SBF2: variants seen among roughly 807,000 people sequenced by gnomAD.
SBF2 encodes myotubularin-related protein 13.
Under a neutral mutation model 225.2 loss-of-function variants are expected in SBF2, and 112 were observed. The ratio of observed to expected loss-of-function variants is 0.50; its 90% confidence interval spans 0.43 to 0.58. SBF2 has a LOEUF of 0.58. Among genes scored for constraint, SBF2 ranks in the 20% least tolerant of loss-of-function variants. The pLI is 0.00. For missense variants in SBF2, 1,996 were observed against 2,206.2 expected (o/e 0.90, Z 1.91); for synonymous variants, 763 against 773.3 (o/e 0.99, Z 0.22).
intron 2 of SBF2, among the ~76,000 whole-genome samples, chr11:10,101,788 G>A (rs530714302): frequency 6.6e-6 from 1 of 152,150 alleles, no homozygotes; most frequent in East Asian, 1.9e-4. Flanking sequence ...CAAATCTGGT[G>A]CGCTTTGTGC....
At chr11:10,161,357 G>T (rs1161125428) in intron 2 of SBF2, among the ~76,000 whole-genome samples, 2 of 151,960 alleles carry the variant, frequency 1.3e-5, no homozygotes, top group African/African-American at 4.8e-5. Flanking sequence ...CAGTTATACT[G>T]CCTCTTCTTT....
intron 13 of SBF2, among the ~76,000 whole-genome samples, chr11:9,973,866 C>T (rs1370279550): frequency 6.6e-6 from 1 of 152,198 alleles, no homozygotes; most frequent in African/African-American, 2.4e-5. Context: ...GGTCTCAGCA[C>T]TGAAAGACAA....
intron 30 of SBF2, chr11:9,810,299 C>T (rs1333066194): frequency 6.6e-6 from 1 of 151,984 alleles, no homozygotes; most frequent in Admixed American, 6.6e-5. Flanking sequence ...AAAAAAGATA[C>T]TCCTATTTGT....
chr11:10,078,321 C>CATATGTTTCAT lies in SBF2; in HGVS notation c.142-35341_142-35340insATGAAACATAT, dbSNP rs1373713224. On this transcript the variant is annotated intron_variant, in intron 2 of 39. Transcript: ENST00000256190. ...TATCAATCATTCTAATATAAAGACA[C>CATATGTTTCAT]ATGAACACATATGTTTACTGTAGCA... Among the ~76,000 whole-genome samples, 6 of 152,306 alleles carry CATATGTTTCAT rather than the reference C, an allele frequency of 3.9e-5. No individual in the cohort carries two copies. The East Asian group carries it at 1.2e-3, about 29-fold the overall frequency.
intron 28 of SBF2, chr11:9,828,657 C>T: frequency 1.0e-6 from 1 of 984,852 alleles, no homozygotes; most frequent in Non-Finnish European, 1.2e-6. Flanking sequence ...TAGTACAAGT[C>T]TTAATGGCTT....
chr11:9,787,214 A>G (rs1200483766), intron 36 of SBF2, among the ~76,000 whole-genome samples: 2 of 152,210 alleles, frequency 1.3e-5, no homozygotes, highest in East Asian at 3.9e-4. Flanking sequence ...TTTTATGATA[A>G]ATGTTTCTTA....
chr11:9,815,680 G>A (rs1344099277), intron 29 of SBF2, among the ~76,000 whole-genome samples: 1 of 152,192 alleles, frequency 6.6e-6, no homozygotes, highest in East Asian at 1.9e-4. Flanking sequence ...AGTAAGTGTT[G>A]TGCTGAAGCA....
intron 1 of SBF2, among the ~76,000 whole-genome samples, chr11:10,267,338 T>C (rs1021771559): frequency 6.6e-6 from 1 of 151,934 alleles, no homozygotes; most frequent in Non-Finnish European, 1.5e-5. Flanking sequence ...TCCCTATTAC[T>C]GGAAGCCAAA....
chr11:10,102,439 G>A (rs1952348441), intron 2 of SBF2, among the ~76,000 whole-genome samples: 1 of 152,214 alleles, frequency 6.6e-6, no homozygotes, highest in Non-Finnish European at 1.5e-5. Context: ...GAAACAGCTT[G>A]ACATACAAGG....
chr11:10,139,946 A>G (rs1954564202), intron 2 of SBF2, among the ~76,000 whole-genome samples: 1 of 152,222 alleles, frequency 6.6e-6, no homozygotes, highest in African/African-American at 2.4e-5. Flanking sequence ...CCGGAGACTC[A>G]GAAGGGCAAT....
chr11:10,120,752 T>C (rs1439588755), intron 2 of SBF2, among the ~76,000 whole-genome samples: 1 of 152,224 alleles, frequency 6.6e-6, no homozygotes, highest in Non-Finnish European at 1.5e-5. Flanking sequence ...CCTGAGTAGC[T>C]GGGATTACAG....
intron 17 of SBF2, among the ~76,000 whole-genome samples, chr11:9,875,632 A>G (rs1859164862): frequency 6.6e-6 from 1 of 152,204 alleles, no homozygotes; most frequent in African/African-American, 2.4e-5. Flanking sequence ...GTGAAGTGGA[A>G]AAAAGGGTGT....
chr11:10,201,449 C>T (rs1003717263), intron 1 of SBF2, among the ~76,000 whole-genome samples: 5 of 152,192 alleles, frequency 3.3e-5, no homozygotes, highest in Admixed American at 2.0e-4. Flanking sequence ...TGCTCATTCA[C>T]TGAAAAGAAA....
intron 2 of SBF2, among the ~76,000 whole-genome samples, chr11:10,105,294 A>C (rs1364840641): frequency 6.6e-6 from 1 of 152,228 alleles, no homozygotes; most frequent in Non-Finnish European, 1.5e-5. Flanking sequence ...TAAGGGAACA[A>C]ATATGAGAAA....
intron 17 of SBF2, among the ~76,000 whole-genome samples, chr11:9,877,748 A>G (rs1859385017): frequency 6.6e-6 from 1 of 152,186 alleles, no homozygotes; most frequent in Admixed American, 6.5e-5. Context: ...ATGGCTGCAC[A>G]GTATTCCATG....
At chr11:9,886,854 T>G (rs1326731620) in intron 17 of SBF2, among the ~76,000 whole-genome samples, 1 of 152,196 alleles carries the variant, frequency 6.6e-6, no homozygotes. Flanking sequence ...AACTAATGTA[T>G]TCTTACAGTA....
At position 9,846,956 on chromosome 11, in the gene SBF2, C is replaced by T; in HGVS notation, c.2934G>A (p.Gln978=). The T allele has an allele frequency of 6.2e-7, 1 of 1,613,554 alleles. No homozygotes were observed. Among genetic ancestry groups the T allele is most frequent in the Non-Finnish European group, 8.5e-7 (1 of 1,179,576 alleles). ...AAACAATGGCTTCCTTTTTTAATAC[C>T]TGAAAAGATGCTGATGTGATCTGCA... is the stretch of plus-strand genomic sequence containing the variant. ...EGLQITSASF[Q]LIKVAFDEEV... The change falls in exon 23 of 40, where the codon CAG becomes CAA. Residue 978 remains glutamine (Q), a splice_region_variant and synonymous_variant. Transcript: ENST00000256190.
intron 16 of SBF2, among the ~76,000 whole-genome samples, chr11:9,925,129 T>A (rs1483396831): frequency 6.6e-6 from 1 of 152,100 alleles, no homozygotes; most frequent in Non-Finnish European, 1.5e-5. Context: ...TCAAGCAGGA[T>A]CTGTATGATG....
intron 7 of SBF2, 33 bp from the exon 8 acceptor site, chr11:10,001,055 T>C (rs1156304411): frequency 3.5e-6 from 4 of 1,156,324 alleles, no homozygotes; most frequent in Non-Finnish European, 5.2e-6. Flanking sequence ...TCAAATATAT[T>C]TTTCTTTAAC....
Sources: allele counts gnomAD v4.1 joint callset (sites outside exome capture counted in the v4.1 genomes callset), GRCh38; gene constraint gnomAD v4.1.1; transcripts MANE v1.5; gene names NCBI Gene and HGNC (gene_info 2026-07-23, HGNC 2026-07-21).